MTMR12: variants seen among roughly 807,000 people sequenced by gnomAD.
MTMR12 encodes myotubularin-related protein 12.
Under a neutral mutation model 96.7 loss-of-function variants are expected in MTMR12, and 33 were observed. That is an observed-to-expected ratio of 0.34 (90% CI 0.26 to 0.46). The LOEUF is 0.46. Among genes scored for constraint, MTMR12 ranks in the 20% least tolerant of loss-of-function variants. MTMR12 has a pLI of 1.00. For missense variants in MTMR12, 721 were observed against 896.1 expected (o/e 0.80, Z 2.49); for synonymous variants, 298 against 327.2 (o/e 0.91, Z 0.96).
At chr5:32,242,454 A>T (rs1748515238) in intron 11 of MTMR12, among the ~76,000 whole-genome samples, 1 of 152,134 alleles carries the variant, frequency 6.6e-6, no homozygotes, top group Non-Finnish European at 1.5e-5. Flanking sequence ...AAAAATCCAT[A>T]CCTGGAGAAT....
In MTMR12 at chr5:32,312,619, C is replaced by G; in HGVS notation, c.81+139G>C. 1.3e-6 allele frequency: 1 copy of G among 789,104 alleles called. No individual in the cohort carries two copies. The highest frequency in any genetic ancestry group is 1.7e-6 in the Non-Finnish European group (1 of 600,800). The allele number at this position is 789,104 out of a possible 1,614,324, so 48.9% of individuals were successfully genotyped here. Reference sequence around the variant, plus strand: ...AGGCCCCAGCGCGCTCCTGCGGCCTCAGCCCGCCTGGCTGCCCCGTCGCCC... The same window carrying G: ...AGGCCCCAGCGCGCTCCTGCGGCCTGAGCCCGCCTGGCTGCCCCGTCGCCC... On this transcript the variant is annotated intron_variant, in intron 1 of 15. Transcript: ENST00000382142. This position sits in a 1 kb window ranked among gnomAD's most constrained non-coding sequence, Gnocchi z 5.0.
intron 10 of MTMR12, among the ~76,000 whole-genome samples, chr5:32,245,790 T>C (rs967128102): frequency 2.0e-5 from 3 of 151,964 alleles, no homozygotes; most frequent in Non-Finnish European, 4.4e-5. Flanking sequence ...ATCACACCAC[T>C]GCACTCCAGC....
intron 1 of MTMR12, among the ~76,000 whole-genome samples, chr5:32,281,703 C>T (rs1252629471): frequency 1.3e-5 from 2 of 151,950 alleles, no homozygotes; most frequent in Admixed American, 6.6e-5. Flanking sequence ...AGTTCGAGAC[C>T]AGCCTGACCA....
intron 1 of MTMR12, among the ~76,000 whole-genome samples, chr5:32,287,449 C>T (rs951579148): frequency 3.9e-5 from 6 of 152,210 alleles, no homozygotes; most frequent in Admixed American, 2.0e-4. Flanking sequence ...GAGACTTTGA[C>T]AGGCTCTCCT....
At chr5:32,268,563 C>G (rs1749697778) in intron 6 of MTMR12, 138 bp downstream of exon 6, 3 of 530,846 alleles carry the variant, frequency 5.7e-6, no homozygotes, top group Admixed American at 6.3e-5. Flanking sequence ...AAATGAATCA[C>G]TCAAGCAAGG....
At chr5:32,307,344 C>G (rs1441059634) in intron 1 of MTMR12, among the ~76,000 whole-genome samples, 2 of 152,112 alleles carry the variant, frequency 1.3e-5, no homozygotes, top group African/African-American at 4.8e-5. Context: ...CAGCACCCAG[C>G]AGGTCCCCCG....
intron 7 of MTMR12, among the ~76,000 whole-genome samples, chr5:32,257,939 A>G (rs189020196): frequency 1.0e-3 from 154 of 152,198 alleles, no homozygotes; most frequent in African/African-American, 3.6e-3. Flanking sequence ...AATAAAATGT[A>G]GATATAAGTT....
At chr5:32,295,436 G>A (rs1750889029) in intron 1 of MTMR12, among the ~76,000 whole-genome samples, 1 of 152,192 alleles carries the variant, frequency 6.6e-6, no homozygotes, top group African/African-American at 2.4e-5. Context: ...TACGCGTTAT[G>A]CAAATCAGTT....
chr5:32,308,134 C>T (rs544955602), intron 1 of MTMR12, among the ~76,000 whole-genome samples: 2 of 152,208 alleles, frequency 1.3e-5, no homozygotes, highest in African/African-American at 4.8e-5. Flanking sequence ...CCAGCCTGGC[C>T]AATATGGTGA....
intron 1 of MTMR12, among the ~76,000 whole-genome samples, chr5:32,295,641 T>C (rs1750895521): frequency 6.6e-6 from 1 of 152,238 alleles, no homozygotes; most frequent in African/African-American, 2.4e-5. Flanking sequence ...AAATATGTCA[T>C]AGGAGTTTAC....
intron 1 of MTMR12, among the ~76,000 whole-genome samples, chr5:32,277,031 G>A (rs1277530146): frequency 6.6e-6 from 1 of 151,840 alleles, no homozygotes; most frequent in African/African-American, 2.4e-5. Context: ...GACTACAGGC[G>A]TGTGCCACCA....
Position 32,230,111 on chromosome 5 carries a change from T to A in MTMR12, c.1911A>T (p.Lys637Asn). Residue 637 changes from lysine (K) to asparagine (N), a missense_variant, in exon 16 of 16, where the codon AAA (lysine) becomes AAT (asparagine). By Grantham distance (94) the Lys-to-Asn change is moderately conservative. Coordinates refer to ENST00000382142, the MANE Select transcript of MTMR12 (RefSeq NM_001040446.3). Reference sequence around the variant, plus strand: ...AACGTAGGTAGCGCTGGGCCCAGACTTTGATTTCGGGCCCCTCGATATGCG... The same window carrying A: ...AACGTAGGTAGCGCTGGGCCCAGACATTGATTTCGGGCCCCTCGATATGCG... ...LLPHIEGPEI[K>N]VWAQRYLRWI... The A allele has an allele frequency of 6.2e-7, 1 of 1,612,518 alleles. No individual in the cohort carries two copies. Among genetic ancestry groups the A allele is most frequent in the Non-Finnish European group, 8.5e-7 (1 of 1,178,796 alleles).
At chr5:32,238,356 C>G (rs1284230622) in intron 13 of MTMR12, among the ~76,000 whole-genome samples, 1 of 151,998 alleles carries the variant, frequency 6.6e-6, no homozygotes, top group African/African-American at 2.4e-5. Context: ...AGTCAGGCAT[C>G]ACCATGCCCA....
chr5:32,235,203 C>A, intron 13 of MTMR12, 74 bp from the exon 14 acceptor site: 1 of 1,412,116 alleles, frequency 7.1e-7, no homozygotes, highest in Non-Finnish European at 9.6e-7. Flanking sequence ...GGGGCAGCCA[C>A]CTCAACAGCT....
chr5:32,236,572 T>C (rs1035833771), intron 13 of MTMR12, among the ~76,000 whole-genome samples: 2 of 151,820 alleles, frequency 1.3e-5, no homozygotes, highest in Non-Finnish European at 2.9e-5. Context: ...CCAGGCGCTG[T>C]GGCTCACGCT....
At chr5:32,238,502 T>C (rs146451372) in intron 13 of MTMR12, among the ~76,000 whole-genome samples, 352 of 152,330 alleles carry the variant, frequency 2.3e-3, no homozygotes, top group African/African-American at 8.2e-3. Flanking sequence ...AATTTTTGGA[T>C]TAAGGATGCT....
chr5:32,246,172 T>TGTTTTTTTTTTG (rs1561751675), intron 10 of MTMR12, among the ~76,000 whole-genome samples: 2 of 145,698 alleles, frequency 1.4e-5, no homozygotes, highest in Non-Finnish European at 3.1e-5. Flanking sequence ...AGTAGACAGT[T>TGTTTTTTTTTTG]TTTTTTTTTT....
chr5:32,247,965 A>G (rs1198802530), intron 10 of MTMR12, 37 bp downstream of exon 10: 1 of 1,603,652 alleles, frequency 6.2e-7, no homozygotes, highest in South Asian at 1.1e-5. Context: ...GTCTTTCCCC[A>G]TATAACACAA....
At chr5:32,238,404 G>A (rs966973666) in intron 13 of MTMR12, among the ~76,000 whole-genome samples, 1 of 152,008 alleles carries the variant, frequency 6.6e-6, no homozygotes, top group African/African-American at 2.4e-5. Context: ...GTAGAGATGA[G>A]GTCTGTCTAT....
Sources: gnomAD v4.1 joint callset for allele counts (sites outside exome capture counted in the v4.1 genomes callset) on GRCh38, gnomAD v4.1.1 for gene constraint, Gnocchi (gnomAD v3.1) non-coding constraint, MANE v1.5 for transcripts, NCBI Gene and HGNC (gene_info 2026-07-23, HGNC 2026-07-21) for gene names.